The following HYKK variants were observed in gnomAD, a reference collection of about 807,000 sequenced individuals.
HYKK encodes the protein 5-hydroxy-L-lysine kinase.
Under a neutral mutation model 29.7 loss-of-function variants are expected in HYKK, and 19 were observed. The observed-to-expected ratio is 0.64, with a 90% confidence interval of 0.45 to 0.94. The LOEUF (loss-of-function observed/expected upper bound fraction) is 0.94. Among genes scored for constraint, HYKK ranks in the 40% least tolerant of loss-of-function variants. The pLI is 0.00. For missense variants in HYKK, 390 were observed against 443.4 expected (o/e 0.88, Z 1.08); for synonymous variants, 152 against 158.1 (o/e 0.96, Z 0.29).
Position 78,533,755 on chromosome 15 carries a change from C to A in HYKK, c.*85C>A. 1.1e-6 allele frequency: 1 copy of A among 947,698 alleles called. No individual in the cohort carries two copies. The highest frequency in any genetic ancestry group is 1.6e-6 in the Non-Finnish European group (1 of 619,826). The allele number at this position is 947,698 out of a possible 1,614,324, so 58.7% of individuals were successfully genotyped here. A position where few individuals can be genotyped will look rare whatever the true frequency, so the allele number is the denominator to read the frequency against. On this transcript the variant is annotated 3_prime_UTR_variant, in exon 5 of 5. Transcript: ENST00000388988. The stretch of plus-strand genomic sequence containing the variant: ...TCAAATTTTAGGAAGGATTTTCCTG[C>A]ATAGTTAAAAATCAACTGATGGAAT...
chr15:78,523,250 A>T (rs181437325), intron 3 of HYKK, among the ~76,000 whole-genome samples: 226 of 152,298 alleles, frequency 1.5e-3, no homozygotes, highest in African/African-American at 5.4e-3. Flanking sequence ...GAAGCTTCTA[A>T]TCATGGCGGA....
intron 1 of HYKK, among the ~76,000 whole-genome samples, chr15:78,511,041 G>C (rs1227281442): frequency 1.4e-5 from 2 of 138,592 alleles, no homozygotes; most frequent in Non-Finnish European, 3.0e-5. Flanking sequence ...TCCTAGCCTT[G>C]AGTGTTCTCC....
intron 1 of HYKK, among the ~76,000 whole-genome samples, chr15:78,512,393 TC>T (rs1341744180): frequency 2.7e-5 from 4 of 150,422 alleles, no homozygotes; most frequent in African/African-American, 4.9e-5. Context: ...TTCTTTTTTT[TC>T]TTTTTCTTTT....
Position 78,513,248 on chromosome 15 carries a change from A to C in HYKK, c.160A>C (p.Lys54Gln). The change falls in exon 2 of 5, where the codon AAA (lysine) becomes CAA (glutamine). Residue 54 changes from lysine (K) to glutamine (Q), a missense_variant. Physicochemically the swap from Lys to Gln is moderately conservative, Grantham distance 53. Coordinates refer to ENST00000388988, the MANE Select transcript of HYKK (RefSeq NM_001013619.4). ...DDQNFHVYVS[K>Q]TKDGPTEYVL... Reference sequence around the variant, plus strand: ...CCAAAACTTTCATGTCTACGTTTCAAAAACCAAAGATGGCCCAACTGAATA... The same window carrying C: ...CCAAAACTTTCATGTCTACGTTTCACAAACCAAAGATGGCCCAACTGAATA... 6.2e-7 allele frequency: 1 copy of C among 1,614,226 alleles called. No individual in the cohort carries two copies. The highest frequency in any genetic ancestry group is 8.5e-7 in the Non-Finnish European group (1 of 1,180,044).
chr15:78,524,902 A>G (rs1485633008), intron 3 of HYKK, among the ~76,000 whole-genome samples: 5 of 152,154 alleles, frequency 3.3e-5, no homozygotes, highest in Non-Finnish European at 2.9e-5. Flanking sequence ...GTGCTAAACC[A>G]TTCATAAGAA....
At position 78,533,573 on chromosome 15, in the gene HYKK, G is replaced by A. The variant is rs375683899; in HGVS notation, c.1025G>A (p.Trp342Ter). 4.0e-5 allele frequency: 64 copies of A among 1,614,028 alleles called. No homozygotes were observed. Among genetic ancestry groups the A allele is most frequent in the Non-Finnish European group, 5.0e-5 (59 of 1,180,030 alleles). The change falls in exon 5 of 5, where the codon TGG (tryptophan) becomes TAG (stop). Residue 342 changes from tryptophan (W) to a stop codon, truncating the protein, a stop_gained. Transcript: ENST00000388988. LOFTEE classifies it high-confidence loss of function. Reference sequence around the variant, plus strand: ...CTCATGGTTACTGCAAAAACCGGGTGGAAACACTTACAGCAAATGTTTGAC... The same window carrying A: ...CTCATGGTTACTGCAAAAACCGGGTAGAAACACTTACAGCAAATGTTTGAC... Reference protein sequence around the residue: ...DYLMVTAKTGWKHLQQMFDMG... With the variant: ...DYLMVTAKTG
intron 4 of HYKK, chr15:78,528,762 AC>A: frequency 1.5e-6 from 1 of 679,748 alleles, no homozygotes; most frequent in Non-Finnish European, 1.8e-6. Flanking sequence ...AGGTTGTGCC[AC>A]TGCACTCCAG....
At chr15:78,511,390 A>C (rs935573264) in intron 1 of HYKK, among the ~76,000 whole-genome samples, 1 of 152,090 alleles carries the variant, frequency 6.6e-6, no homozygotes, top group Non-Finnish European at 1.5e-5. Context: ...AAGAGAAAGA[A>C]AACAGTCTCC....
At chr15:78,510,783 A>G (rs996080831) in intron 1 of HYKK, among the ~76,000 whole-genome samples, 4 of 152,102 alleles carry the variant, frequency 2.6e-5, no homozygotes, top group Admixed American at 2.6e-4. Context: ...AGTGATATTC[A>G]CAGATCTTAC....
chr15:78,530,208 T>A lies in HYKK; in HGVS notation c.661+2645T>A, dbSNP rs551351761. Among the ~76,000 whole-genome samples, 248 of 145,210 alleles carry A rather than the reference T, an allele frequency of 1.7e-3. 2 individuals are homozygous for A. The highest frequency in any genetic ancestry group is 0.012 in the South Asian group (57 of 4,666). On this transcript the variant is annotated intron_variant, in intron 4 of 4. Coordinates refer to ENST00000388988, the MANE Select transcript of HYKK (RefSeq NM_001013619.4). ...TCAACCATTATTTATTTATTTTTTT[T>A]TTTTTTTTTTGAGCTGGAGTCTTGT...
chr15:78,532,073 C>T (rs1469342500), intron 4 of HYKK, among the ~76,000 whole-genome samples: 1 of 152,156 alleles, frequency 6.6e-6, no homozygotes, highest in Admixed American at 6.5e-5. Flanking sequence ...CTCATGGACA[C>T]TTACATCTCT....
At position 78,535,289 on chromosome 15, in the gene HYKK, C is replaced by CTTTTCTTTTTTTTTT. The variant is rs1555412368; in HGVS notation, c.*1623_*1624insCTTTTTTTTTTTTTT. On this transcript the variant is annotated 3_prime_UTR_variant, in exon 5 of 5. Transcript: ENST00000388988. ...ATTTCTTTTTCTTTTCTTTTCTTTT[C>CTTTTCTTTTTTTTTT]TTTTTTTTTTTTTTTGGTGGTGGGG... 1 of 130,964 alleles carries CTTTTCTTTTTTTTTT rather than the reference C, an allele frequency of 7.6e-6. No individual in the cohort carries two copies. Among genetic ancestry groups the CTTTTCTTTTTTTTTT allele is most frequent in the Non-Finnish European group, 1.6e-5 (1 of 63,410 alleles). The allele number at this position is 130,964 out of a possible 1,614,324, so 8.1% of individuals were successfully genotyped here.
At chr15:78,513,565 C>A in intron 2 of HYKK, 140 bp downstream of exon 2, 1 of 652,010 alleles carries the variant, frequency 1.5e-6, no homozygotes. Flanking sequence ...CTCAATAGTA[C>A]ACCCTTAGAG....
chr15:78,534,392 G>C lies in HYKK; in HGVS notation c.*722G>C, dbSNP rs1215961635. ...AGCCTCCTGAGTAGCTGGGACTACA[G>C]GCGCCCACCACCACGCCCGGCTAAT... is the stretch of plus-strand genomic sequence containing the variant. On this transcript the variant is annotated 3_prime_UTR_variant, in exon 5 of 5. Coordinates refer to ENST00000388988, the MANE Select transcript of HYKK (RefSeq NM_001013619.4). The C allele has an allele frequency of 6.6e-6, 1 of 152,132 alleles. No individual in the cohort carries two copies. Among genetic ancestry groups the C allele is most frequent in the Non-Finnish European group, 1.5e-5 (1 of 68,100 alleles). The allele number at this position is 152,132 out of a possible 1,614,324, so 9.4% of individuals were successfully genotyped here.
intron 3 of HYKK, among the ~76,000 whole-genome samples, chr15:78,516,516 A>T (rs1393884735): frequency 6.6e-6 from 1 of 151,146 alleles, no homozygotes; most frequent in Non-Finnish European, 1.5e-5. Flanking sequence ...CATCTAATTT[A>T]TTTTTGTATT....
At chr15:78,507,888 C>T (rs946296935) in intron 1 of HYKK, among the ~76,000 whole-genome samples, 5 of 152,200 alleles carry the variant, frequency 3.3e-5, no homozygotes, top group Admixed American at 2.0e-4. Flanking sequence ...CTGAGCTGGG[C>T]CCCCAGAATG....
intron 4 of HYKK, among the ~76,000 whole-genome samples, chr15:78,532,379 G>A (rs1204633903): frequency 6.6e-6 from 1 of 152,154 alleles, no homozygotes; most frequent in African/African-American, 2.4e-5. Context: ...GTAACATTTT[G>A]TAGACCAGCA....
intron 4 of HYKK, among the ~76,000 whole-genome samples, chr15:78,530,450 AT>A (rs1329622543): frequency 6.6e-6 from 1 of 152,064 alleles, no homozygotes; most frequent in Admixed American, 6.6e-5. Context: ...GTTATATCTT[AT>A]TGTTCATTTC....
intron 2 of HYKK, 78 bp from the exon 3 acceptor site, chr15:78,514,887 TACC>T: frequency 2.1e-6 from 1 of 478,620 alleles, no homozygotes; most frequent in Non-Finnish European, 2.9e-6. Context: ...TATATCTAAA[TACC>T]TCTCTCTCTC....
Sources: allele counts gnomAD v4.1 joint callset (sites outside exome capture counted in the v4.1 genomes callset), GRCh38; gene constraint gnomAD v4.1.1; transcripts MANE v1.5; gene names NCBI Gene and HGNC (gene_info 2026-07-23, HGNC 2026-07-21).